The following RSF1 variants were observed in gnomAD, a reference collection of about 807,000 sequenced individuals.
The protein encoded by RSF1 is HBV pX-associated protein 8.
In RSF1, 13 loss-of-function variants were observed where a neutral mutation model predicts 145.2. The observed-to-expected ratio is 0.09, with a 90% confidence interval of 0.06 to 0.14. The LOEUF (loss-of-function observed/expected upper bound fraction) is 0.14, where lower values mean the gene tolerates loss of function less well. RSF1 is among the 10% of genes least tolerant of loss of function. The pLI is 1.00. For synonymous variants in RSF1, 577 were observed against 592.6 expected (o/e 0.97, Z 0.38); for missense variants, 1,517 against 1,718.2 (o/e 0.88, Z 2.07).
intron 9 of RSF1, among the ~76,000 whole-genome samples, chr11:77,687,987 C>A (rs961209852): frequency 4.8e-4 from 73 of 152,096 alleles, no homozygotes; most frequent in African/African-American, 1.7e-3. Flanking sequence ...ACATTCTTGG[C>A]TTTTAGAAAG....
the RSF1 span, among the ~76,000 whole-genome samples, chr11:77,833,343 G>A: frequency 6.6e-6 from 1 of 152,068 alleles, no homozygotes; most frequent in Admixed American, 6.6e-5. Context: ...TTCCATCTGG[G>A]AGTGATGGGA....
chr11:77,807,486 CAA>C (rs1948688570), intron 1 of RSF1, among the ~76,000 whole-genome samples: 2 of 152,096 alleles, frequency 1.3e-5, no homozygotes, highest in Admixed American at 1.3e-4. Context: ...AATTTAGAAT[CAA>C]AGACACAAGG....
At chr11:77,788,142 C>CAAAA (rs66595170) in intron 1 of RSF1, among the ~76,000 whole-genome samples, 57 of 3,434 alleles carry the variant, frequency 0.017, 14 homozygotes, top group Non-Finnish European at 0.04. Flanking sequence ...GACACTATCT[C>CAAAA]AAAAAAAAAA....
upstream of RSF1, among the ~76,000 whole-genome samples, chr11:77,822,437 A>AAAAAAAAAAC (rs1948958921): frequency 6.8e-6 from 1 of 147,106 alleles, no homozygotes. Flanking sequence ...AAAAAAAAAG[A>AAAAAAAAAAC]ATTTGAAGCA....
At chr11:77,806,571 C>A (rs1948679665) in intron 1 of RSF1, among the ~76,000 whole-genome samples, 1 of 151,078 alleles carries the variant, frequency 6.6e-6, no homozygotes, top group South Asian at 2.1e-4. Flanking sequence ...GTGCTAGCTA[C>A]TTGGGAGGCT....
At chr11:77,845,829 G>C in the RSF1 span, among the ~76,000 whole-genome samples, 1 of 151,982 alleles carries the variant, frequency 6.6e-6, no homozygotes. Flanking sequence ...TTTGAACATG[G>C]TTTCCTTTGG....
chr11:77,860,646 G>A, the RSF1 span, among the ~76,000 whole-genome samples: 1 of 152,204 alleles, frequency 6.6e-6, no homozygotes, highest in African/African-American at 2.4e-5. Context: ...CTAATGCCTG[G>A]CCAAATAGAT....
chr11:77,807,257 T>C (rs1259279946), intron 1 of RSF1, among the ~76,000 whole-genome samples: 1 of 152,200 alleles, frequency 6.6e-6, no homozygotes, highest in Non-Finnish European at 1.5e-5. Flanking sequence ...CGAATGCTTT[T>C]CCAACTTTTA....
At chr11:77,829,503 T>C in the RSF1 span, among the ~76,000 whole-genome samples, 1 of 152,172 alleles carries the variant, frequency 6.6e-6, no homozygotes, top group Admixed American at 6.5e-5. Context: ...GACCATCTAA[T>C]GGGGAAAGAA....
intron 1 of RSF1, among the ~76,000 whole-genome samples, chr11:77,769,878 T>G (rs1048268890): frequency 2.6e-5 from 4 of 152,224 alleles, no homozygotes; most frequent in African/African-American, 9.6e-5. Flanking sequence ...TGGAAACAGT[T>G]GACACTTTAT....
chr11:77,664,920 A>C lies in RSF1; in HGVS notation c.*1997T>G, dbSNP rs2135802058. The stretch of plus-strand genomic sequence containing the variant: ...ACACTGTCTCAAAATAAAAATCACA[A>C]CTTACTTGGAACCACATGCTATTGG... On this transcript the variant is annotated 3_prime_UTR_variant, in exon 16 of 16. Coordinates refer to ENST00000308488, the MANE Select transcript of RSF1 (RefSeq NM_016578.4). The C allele has an allele frequency of 6.6e-6, 1 of 152,228 alleles. No individual in the cohort carries two copies. Among genetic ancestry groups the C allele is most frequent in the South Asian group, 2.1e-4 (1 of 4,822 alleles). The allele number at this position is 152,228 out of a possible 1,614,324, so 9.4% of individuals were successfully genotyped here. A position where few individuals can be genotyped will look rare whatever the true frequency, so the allele number is the denominator to read the frequency against.
intron 1 of RSF1, among the ~76,000 whole-genome samples, chr11:77,799,541 A>G (rs539328417): frequency 4.0e-5 from 6 of 151,668 alleles, no homozygotes; most frequent in Non-Finnish European, 5.9e-5. Context: ...ATGAATAGAC[A>G]ATATTGTGTA....
intron 11 of RSF1, among the ~76,000 whole-genome samples, chr11:77,681,184 T>G (rs1402582189): frequency 6.6e-6 from 1 of 152,244 alleles, no homozygotes; most frequent in Non-Finnish European, 1.5e-5. Context: ...CCCTTGGTCT[T>G]GGTTGTCTCA....
chr11:77,699,996 T>C (rs1960375762), intron 6 of RSF1, among the ~76,000 whole-genome samples: 1 of 152,092 alleles, frequency 6.6e-6, no homozygotes, highest in Admixed American at 6.6e-5. Flanking sequence ...AAAATGAACA[T>C]ATTTGATCCA....
At chr11:77,825,085 A>G (rs1335576519), upstream of RSF1, among the ~76,000 whole-genome samples, 1 of 152,072 alleles carries the variant, frequency 6.6e-6, no homozygotes, top group Admixed American at 6.6e-5. Context: ...GTTTCACGCC[A>G]TTCTATTGCC....
chr11:77,667,502 C>A lies in RSF1; in HGVS notation c.3752-11G>T, dbSNP rs1227197321. 1.3e-6 allele frequency: 2 copies of A among 1,598,448 alleles called. No individual in the cohort carries two copies. The highest frequency in any genetic ancestry group is 1.7e-6 in the Non-Finnish European group (2 of 1,173,614). On this transcript the variant is annotated splice_polypyrimidine_tract_variant and intron_variant, in intron 15 of 15. Coordinates refer to ENST00000308488, the MANE Select transcript of RSF1 (RefSeq NM_016578.4). ...TGGACAAATAGCTCTCTAGAATAAA[C>A]AGCACATTTAAGCCATTGGCACGGT...
At chr11:77,684,740 C>G (rs1167755957) in intron 10 of RSF1, among the ~76,000 whole-genome samples, 1 of 152,138 alleles carries the variant, frequency 6.6e-6, no homozygotes, top group African/African-American at 2.4e-5. Context: ...ATAATCCCAG[C>G]ACTTTGGGAG....
chr11:77,683,879 G>A, intron 10 of RSF1, 60 bp from the exon 11 acceptor site: 1 of 1,312,190 alleles, frequency 7.6e-7, no homozygotes. Flanking sequence ...AGTTCCTTGG[G>A]ATAAACAGTT....
the RSF1 span, among the ~76,000 whole-genome samples, chr11:77,844,385 G>T: frequency 6.6e-6 from 1 of 151,200 alleles, no homozygotes; most frequent in Non-Finnish European, 1.5e-5. Context: ...TTTTTTTGGA[G>T]ACAGTCTCCC....
Sources: allele counts gnomAD v4.1 joint callset (sites outside exome capture counted in the v4.1 genomes callset), GRCh38; gene constraint gnomAD v4.1.1; transcripts MANE v1.5; gene names NCBI Gene and HGNC (gene_info 2026-07-23, HGNC 2026-07-21).